Variants in PPP2R5C observed in about 807,000 individuals in gnomAD.
The protein encoded by PPP2R5C is protein phosphatase 2 regulatory subunit B'gamma, also known as serine/threonine-protein phosphatase 2A 56 kDa regulatory subunit gamma isoform.
PPP2R5C carries 7 observed loss-of-function variants against 68.9 expected under a neutral mutation model. The ratio of observed to expected loss-of-function variants is 0.10; its 90% CI spans 0.06 to 0.19. The LOEUF is 0.19. PPP2R5C is among the 10% of genes least tolerant of loss of function. The probability of loss-of-function intolerance (pLI) is 1.00; values close to 1 mark genes in which losing one functional copy is unlikely to be tolerated. For missense variants in PPP2R5C, 348 were observed against 641.3 expected, an observed-to-expected ratio of 0.54 and a Z score of 4.94; for synonymous variants, 210 against 222.2, an observed-to-expected ratio of 0.95 and a Z score of 0.49.
intron 13 of PPP2R5C, among the ~76,000 whole-genome samples, chr14:101,920,357 A>G (rs4900521): frequency 0.2 from 29,813 of 152,194 alleles, 4,729 homozygotes; most frequent in African/African-American, 0.43. Flanking sequence ...AACCAGTCCT[A>G]TGGCCATCCA....
At chr14:101,921,175 C>T (rs1342590775) in intron 13 of PPP2R5C, 6 of 257,344 alleles carry the variant, frequency 2.3e-5, no homozygotes, top group East Asian at 1.6e-4. Context: ...TCAAGCAATC[C>T]GCCCACTTCA....
intron 2 of PPP2R5C, among the ~76,000 whole-genome samples, chr14:101,778,987 C>G (rs1263357006): frequency 6.6e-6 from 1 of 152,098 alleles, no homozygotes; most frequent in Non-Finnish European, 1.5e-5. Flanking sequence ...TTGAGCCCAG[C>G]AGGTTGAGGT....
At chr14:101,783,653 C>G (rs546200062) in intron 2 of PPP2R5C, among the ~76,000 whole-genome samples, 69 of 152,192 alleles carry the variant, frequency 4.5e-4, no homozygotes, top group Non-Finnish European at 9.3e-4. Flanking sequence ...AGTCAAGACC[C>G]ATGGACTTGC....
chr14:101,921,135 T>G (rs1401350704), intron 13 of PPP2R5C: 1 of 226,546 alleles, frequency 4.4e-6, no homozygotes, highest in Non-Finnish European at 9.1e-6. Flanking sequence ...TGGCACAATC[T>G]TGGCTCACTG....
At chr14:101,768,576 G>A (rs956243321) in intron 2 of PPP2R5C, among the ~76,000 whole-genome samples, 1 of 151,742 alleles carries the variant, frequency 6.6e-6, no homozygotes, top group Non-Finnish European at 1.5e-5. Flanking sequence ...TCTGTTTAAC[G>A]TCCGGCTCCA....
Position 101,885,678 on chromosome 14 carries a change from C to T in PPP2R5C, c.629+2116C>T, listed in dbSNP as rs556580402. Reference sequence around the variant, plus strand: ...CCCACATCTCGTTTGTAAAATGGAGCCCGGTGCTGGACATAGCCCAGACCT... The same window carrying T: ...CCCACATCTCGTTTGTAAAATGGAGTCCGGTGCTGGACATAGCCCAGACCT... On this transcript the variant is annotated intron_variant, in intron 5 of 13. Coordinates refer to ENST00000334743, the Ensembl canonical transcript of PPP2R5C. 6.8e-4 allele frequency among the ~76,000 whole-genome samples: 103 copies of T among 152,328 alleles called. No homozygotes were observed. In the South Asian group the frequency reaches 7.5e-3, roughly 11 times the overall value.
At chr14:101,848,415 C>T (rs900485927) in intron 1 of PPP2R5C, among the ~76,000 whole-genome samples, 6 of 151,984 alleles carry the variant, frequency 3.9e-5, no homozygotes, top group Non-Finnish European at 5.9e-5. Flanking sequence ...CCTATAGTCC[C>T]AGCTACTCAG....
chr14:101,828,914 A>G (rs1368455633), intron 1 of PPP2R5C, among the ~76,000 whole-genome samples: 3 of 152,166 alleles, frequency 2.0e-5, no homozygotes, highest in African/African-American at 7.2e-5. Flanking sequence ...CCTGGCCTCA[A>G]GTGATCCACC....
chr14:101,816,869 T>TTTATATATATA (rs1347547352), intron 1 of PPP2R5C, among the ~76,000 whole-genome samples: 5 of 140,416 alleles, frequency 3.6e-5, no homozygotes, highest in Non-Finnish European at 7.6e-5. Context: ...TATATATTTA[T>TTTATATATATA]TTATATATAT....
At chr14:101,784,249 A>G (rs1300779197) in intron 2 of PPP2R5C, among the ~76,000 whole-genome samples, 1 of 152,112 alleles carries the variant, frequency 6.6e-6, no homozygotes, top group Non-Finnish European at 1.5e-5. Context: ...AGAACAAATT[A>G]ATGTCTGGGG....
intron 8 of PPP2R5C, among the ~76,000 whole-genome samples, chr14:101,900,059 A>C (rs2045589509): frequency 6.6e-6 from 1 of 151,426 alleles, no homozygotes; most frequent in Non-Finnish European, 1.5e-5. Flanking sequence ...GCTAATTTTT[A>C]AATTTTGTGT....
At chr14:101,764,004 T>C (rs1366031213) in intron 2 of PPP2R5C, among the ~76,000 whole-genome samples, 1 of 114,226 alleles carries the variant, frequency 8.8e-6, no homozygotes, top group Non-Finnish European at 1.9e-5. Flanking sequence ...TTGTTCACAT[T>C]GTGTGTGTGT....
chr14:101,784,503 G>A (rs1307444651), intron 2 of PPP2R5C, among the ~76,000 whole-genome samples: 1 of 146,050 alleles, frequency 6.8e-6, no homozygotes, highest in African/African-American at 2.5e-5. Context: ...AGGAGAGAGA[G>A]AGAAAGTGGG....
At chr14:101,795,091 T>A (rs1429432711) in intron 3 of PPP2R5C, among the ~76,000 whole-genome samples, 6 of 152,242 alleles carry the variant, frequency 3.9e-5, no homozygotes, top group Admixed American at 3.9e-4. Context: ...AGCAACCGTT[T>A]ATTATTTCAT....
chr14:101,908,031 C>T (rs1193056822), intron 10 of PPP2R5C, among the ~76,000 whole-genome samples: 1 of 152,232 alleles, frequency 6.6e-6, no homozygotes, highest in East Asian at 1.9e-4. Flanking sequence ...ACATTCCTGC[C>T]TTCCTCCTGA....
At chr14:101,907,005 A>G (rs969639783) in intron 10 of PPP2R5C, among the ~76,000 whole-genome samples, 5 of 152,164 alleles carry the variant, frequency 3.3e-5, no homozygotes, top group African/African-American at 1.2e-4. Context: ...ACACAGCCCC[A>G]TAGTCCCAGC....
Position 101,882,390 on chromosome 14 carries a change from C to A in PPP2R5C, c.405+119C>A. The A allele has an allele frequency of 1.6e-6, 1 of 629,126 alleles. No homozygotes were observed. The highest frequency in any genetic ancestry group is 2.7e-6 in the Non-Finnish European group (1 of 368,978). 39.0% of individuals were successfully genotyped at this position (629,126 alleles called of 1,614,324 possible). ...GACCTCTCCTCCTCAGTAGCATGGG[C>A]CTCGTAAACCCATATGTACAAGAAA... On this transcript the variant is annotated intron_variant, in intron 3 of 13. Coordinates refer to ENST00000334743, the Ensembl canonical transcript of PPP2R5C. The surrounding 1 kb of genome is among the most constrained non-coding windows in gnomAD (Gnocchi z 4.9).
chr14:101,835,073 C>T lies in PPP2R5C; in HGVS notation c.95-21613C>T, dbSNP rs532956343. Among the ~76,000 whole-genome samples the T allele has an allele frequency of 1.3e-5, 2 of 152,228 alleles. No individual in the cohort carries two copies. Among genetic ancestry groups the T allele is most frequent in the Admixed American group, 1.3e-4 (2 of 15,304 alleles). ...ATTCACAGTAAGGAAAAAAAAAATG[C>T]AGCCTGTGTCTTCAGGGACTGGGAG... On this transcript the variant is annotated intron_variant, in intron 1 of 13. Transcript: ENST00000334743. The surrounding 1 kb of genome is among the most constrained non-coding windows in gnomAD (Gnocchi z 5.0).
chr14:101,868,457 C>T (rs28537640), intron 2 of PPP2R5C, among the ~76,000 whole-genome samples: 13,197 of 152,232 alleles, frequency 0.087, 1,371 homozygotes, highest in African/African-American at 0.24. Context: ...TCTCTACCTC[C>T]AATCAGCCAA....
Sources: allele counts gnomAD v4.1 joint callset (sites outside exome capture counted in the v4.1 genomes callset), GRCh38; gene constraint gnomAD v4.1.1; non-coding constraint Gnocchi (gnomAD v3.1); transcripts MANE v1.5; gene names NCBI Gene and HGNC (gene_info 2026-07-23, HGNC 2026-07-21).